The following SPATS2L variants were observed in gnomAD, a reference collection of about 807,000 sequenced individuals.
The protein encoded by SPATS2L is spermatogenesis associated serine rich 2 like.
SPATS2L carries 30 observed loss-of-function variants against 59.6 expected under a neutral mutation model. The observed-to-expected ratio is 0.50, with a 90% confidence interval of 0.38 to 0.68. SPATS2L has a LOEUF of 0.68. SPATS2L is among the 30% of genes least tolerant of loss of function. SPATS2L has a pLI of 0.00. For missense variants in SPATS2L, 615 were observed against 700.0 expected, an observed-to-expected ratio of 0.88 and a Z score of 1.37; for synonymous variants, 252 against 263.5, an observed-to-expected ratio of 0.96 and a Z score of 0.42.
chr2:200,476,497 C>A (rs1014647685), intron 12 of SPATS2L, among the ~76,000 whole-genome samples: 1 of 152,246 alleles, frequency 6.6e-6, no homozygotes, highest in African/African-American at 2.4e-5. Context: ...TCCTTGACCC[C>A]TTCACAGGCC....
chr2:200,327,142 A>T (rs957381641), intron 1 of SPATS2L, among the ~76,000 whole-genome samples: 3 of 151,492 alleles, frequency 2.0e-5, no homozygotes, highest in Non-Finnish European at 2.9e-5. Flanking sequence ...GGTGGCTTAC[A>T]CCTGTAATCC....
At position 200,416,398 on chromosome 2, in the gene SPATS2L, A is replaced by G; in HGVS notation, c.168A>G (p.Leu56=). The G allele has an allele frequency of 2.0e-6, 3 of 1,495,474 alleles. No homozygotes were observed. Among genetic ancestry groups the G allele is most frequent in the Non-Finnish European group, 9.0e-7 (1 of 1,107,754 alleles). 92.6% of individuals were successfully genotyped at this position (1,495,474 alleles called of 1,614,324 possible). The change falls in exon 5 of 13, where the codon CTA becomes CTG. Residue 56 remains leucine (L), a synonymous_variant. Transcript: ENST00000409140. ...ATCTAGGCAGTGCAATTCAAGTTCT[A>G]AAAGAATGGAATATGACAGGAAAAA... is the stretch of plus-strand genomic sequence containing the variant. ...AFVDGSAIQV[L]KEWNMTGKKK...
rs565830343 is a variant in SPATS2L at position 200,328,604 on chromosome 2, G to A, written c.-72-827G>A. Among the ~76,000 whole-genome samples, 154 of 152,226 alleles carry A rather than the reference G, an allele frequency of 1.0e-3. 1 individual carries two copies. The highest frequency in any genetic ancestry group is 3.6e-3 in the African/African-American group (148 of 41,552). On this transcript the variant is annotated intron_variant, in intron 1 of 12. Coordinates refer to ENST00000409140, the MANE Select transcript of SPATS2L (RefSeq NM_001100423.2). ...TCCCCTTCTTTCCAGTGCCTCCCTC[G>A]CGGTTGTTCTCCAGTCATTTTGTGG...
chr2:200,307,230 C>G (rs1294828547), intron 1 of SPATS2L, among the ~76,000 whole-genome samples: 1 of 151,576 alleles, frequency 6.6e-6, no homozygotes, highest in Non-Finnish European at 1.5e-5. Flanking sequence ...CGCCGCGCTC[C>G]GACGTGTACC....
intron 4 of SPATS2L, among the ~76,000 whole-genome samples, chr2:200,415,864 C>G (rs1373810433): frequency 2.6e-5 from 4 of 151,920 alleles, no homozygotes; most frequent in Admixed American, 6.6e-5. Flanking sequence ...CATGCTAACT[C>G]TAGAGAAACT....
At chr2:200,377,514 G>A (rs933763000) in intron 2 of SPATS2L, among the ~76,000 whole-genome samples, 4 of 152,146 alleles carry the variant, frequency 2.6e-5, no homozygotes, top group Non-Finnish European at 5.9e-5. Flanking sequence ...GAATGTATGT[G>A]TTAGATTTCT....
At chr2:200,376,747 G>T (rs2081613525) in intron 2 of SPATS2L, among the ~76,000 whole-genome samples, 2 of 152,238 alleles carry the variant, frequency 1.3e-5, no homozygotes, top group Non-Finnish European at 2.9e-5. Flanking sequence ...GAACACAAAT[G>T]ACCCTGTGGA....
At chr2:200,433,982 A>G (rs1350792162) in intron 6 of SPATS2L, among the ~76,000 whole-genome samples, 1 of 152,078 alleles carries the variant, frequency 6.6e-6, no homozygotes, top group African/African-American at 2.4e-5. Context: ...TGACAAAGTC[A>G]TTACAAGAAA....
At chr2:200,345,687 TAAG>T (rs1490584038) in intron 2 of SPATS2L, among the ~76,000 whole-genome samples, 1 of 152,228 alleles carries the variant, frequency 6.6e-6, no homozygotes, top group East Asian at 1.9e-4. Flanking sequence ...CATGTATTAT[TAAG>T]GACTCATTGT....
At chr2:200,468,605 C>G (rs2086797333) in intron 10 of SPATS2L, among the ~76,000 whole-genome samples, 1 of 152,198 alleles carries the variant, frequency 6.6e-6, no homozygotes, top group African/African-American at 2.4e-5. Flanking sequence ...GCCTTTCCCT[C>G]CTCAGCTTCT....
chr2:200,316,433 A>G (rs893571418), intron 1 of SPATS2L, among the ~76,000 whole-genome samples: 3 of 152,208 alleles, frequency 2.0e-5, no homozygotes, highest in African/African-American at 7.2e-5. Context: ...GCCTGAGAGG[A>G]GTGGTAACTA....
intron 3 of SPATS2L, among the ~76,000 whole-genome samples, chr2:200,406,146 G>A (rs2082679811): frequency 6.6e-6 from 1 of 152,140 alleles, no homozygotes; most frequent in Non-Finnish European, 1.5e-5. Context: ...CTCCCTGTCA[G>A]TAGAGCAGGA....
chr2:200,431,984 C>T (rs2083964946), intron 6 of SPATS2L, among the ~76,000 whole-genome samples: 1 of 152,176 alleles, frequency 6.6e-6, no homozygotes, highest in Non-Finnish European at 1.5e-5. Flanking sequence ...AAAACAATTG[C>T]AGGCACTGCA....
chr2:200,439,952 T>G (rs563618084), intron 7 of SPATS2L, among the ~76,000 whole-genome samples: 56 of 152,366 alleles, frequency 3.7e-4, no homozygotes, highest in African/African-American at 1.2e-3. Flanking sequence ...TCATTCAGCC[T>G]CAGTTGTATC....
At chr2:200,392,596 T>C (rs2082205650) in intron 3 of SPATS2L, among the ~76,000 whole-genome samples, 1 of 152,198 alleles carries the variant, frequency 6.6e-6, no homozygotes, top group Non-Finnish European at 1.5e-5. Flanking sequence ...AAGCCATAGG[T>C]ACTCAGTACA....
chr2:200,443,080 G>T (rs766255653), intron 8 of SPATS2L, among the ~76,000 whole-genome samples: 1 of 152,138 alleles, frequency 6.6e-6, no homozygotes, highest in Non-Finnish European at 1.5e-5. Flanking sequence ...CACAATAATT[G>T]CATAAATGTT....
intron 2 of SPATS2L, among the ~76,000 whole-genome samples, chr2:200,334,770 A>T (rs1309835416): frequency 6.6e-6 from 1 of 152,150 alleles, no homozygotes; most frequent in Non-Finnish European, 1.5e-5. Flanking sequence ...TAAATAGGGA[A>T]TCCTTTCCCC....
chr2:200,370,618 C>T (rs866212377), intron 2 of SPATS2L, among the ~76,000 whole-genome samples: 22 of 152,074 alleles, frequency 1.4e-4, no homozygotes, highest in African/African-American at 3.9e-4. Context: ...TCTTATGTGT[C>T]AAAAACTGTT....
intron 2 of SPATS2L, among the ~76,000 whole-genome samples, chr2:200,340,566 C>G (rs1574439961): frequency 6.6e-6 from 1 of 152,184 alleles, no homozygotes; most frequent in South Asian, 2.1e-4. Flanking sequence ...TCAGAGCGCT[C>G]ACATGGAGGG....
Sources: allele counts gnomAD v4.1 joint callset (sites outside exome capture counted in the v4.1 genomes callset), GRCh38; gene constraint gnomAD v4.1.1; transcripts MANE v1.5; gene names NCBI Gene and HGNC (gene_info 2026-07-23, HGNC 2026-07-21).